COLEC12: variants seen among roughly 807,000 people sequenced by gnomAD.
COLEC12 encodes collectin-12.
Under a neutral mutation model 71.1 loss-of-function variants are expected in COLEC12, and 33 were observed. The ratio of observed to expected loss-of-function variants is 0.46; its 90% CI spans 0.35 to 0.62. The LOEUF (loss-of-function observed/expected upper bound fraction) is 0.62, where lower values mean the gene tolerates loss of function less well. Ranked by LOEUF, COLEC12 falls within the 20% of genes least tolerant of loss-of-function variation. COLEC12 has a pLI of 0.00. For missense variants in COLEC12, 765 were observed against 916.1 expected (o/e 0.84, Z 2.13); for synonymous variants, 350 against 353.0 (o/e 0.99, Z 0.10).
chr18:496,603 A>G, intron 1 of COLEC12, among the ~76,000 whole-genome samples: 1 of 152,252 alleles, frequency 6.6e-6, no homozygotes, highest in East Asian at 1.9e-4. Context: ...AAAAGCAAAA[A>G]GACTGTGAGT....
chr18:481,401 C>A (rs1917412994), intron 1 of COLEC12, among the ~76,000 whole-genome samples: 1 of 152,124 alleles, frequency 6.6e-6, no homozygotes, highest in South Asian at 2.1e-4. Flanking sequence ...TGCATACCCA[C>A]CATGGAAAGA....
intron 2 of COLEC12, among the ~76,000 whole-genome samples, chr18:458,979 C>A (rs925416067): frequency 6.6e-6 from 1 of 152,216 alleles, no homozygotes; most frequent in Admixed American, 6.5e-5. Flanking sequence ...GGACCACGGA[C>A]ATGCTCCACC....
chr18:476,769 ACATAT>A (rs1185154347), intron 2 of COLEC12, among the ~76,000 whole-genome samples: 6 of 152,366 alleles, frequency 3.9e-5, no homozygotes, highest in African/African-American at 7.2e-5. Context: ...TCGTGGTAGT[ACATAT>A]CATATCTATG....
chr18:337,702 C>A (rs970364889), intron 5 of COLEC12, among the ~76,000 whole-genome samples: 5 of 152,300 alleles, frequency 3.3e-5, no homozygotes, highest in Non-Finnish European at 7.3e-5. Flanking sequence ...CAACCCTGGG[C>A]TCTGGGTCCT....
rs145389624 is a variant in COLEC12, at chr18:389,208, G to GAC, written c.59-31688_59-31687dup. 3.3e-3 allele frequency among the ~76,000 whole-genome samples: 498 copies of GAC among 149,266 alleles called. 3 individuals are homozygous for GAC. Among genetic ancestry groups the GAC allele is most frequent in the African/African-American group, 0.01 (410 of 40,546 alleles). On this transcript the variant is annotated intron_variant, in intron 2 of 9. Transcript: ENST00000400256. ...TAAATGTCCATTACACACACACACA[G>GAC]ACACACACACACACACACGGCCATG...
chr18:413,862 G>A (rs1915938504), intron 2 of COLEC12, among the ~76,000 whole-genome samples: 1 of 152,162 alleles, frequency 6.6e-6, no homozygotes, highest in South Asian at 2.1e-4. Context: ...TGAATCTCTA[G>A]ACAATTATGC....
intron 5 of COLEC12, among the ~76,000 whole-genome samples, chr18:340,807 G>C (rs1914234461): frequency 6.6e-6 from 1 of 152,226 alleles, no homozygotes; most frequent in Non-Finnish European, 1.5e-5. Context: ...ATAGGAAAAA[G>C]TCATTGCGCT....
intron 2 of COLEC12, among the ~76,000 whole-genome samples, chr18:367,925 C>CCAAAA (rs200573575): frequency 0.015 from 2,253 of 152,016 alleles, 20 homozygotes; most frequent in Non-Finnish European, 0.023. Context: ...GCTGTCTCTA[C>CCAAAA]CAAAACAAAA....
intron 2 of COLEC12, among the ~76,000 whole-genome samples, chr18:388,119 C>A (rs550576904): frequency 3.4e-4 from 52 of 152,292 alleles, no homozygotes; most frequent in Middle Eastern, 3.4e-3. Flanking sequence ...AACTGTAAAA[C>A]AGCCCCAACT....
intron 2 of COLEC12, among the ~76,000 whole-genome samples, chr18:418,089 C>A (rs538526599): frequency 6.6e-6 from 1 of 152,264 alleles, no homozygotes; most frequent in Non-Finnish European, 1.5e-5. Context: ...GGCTTGGGCA[C>A]CAGTTCTACA....
At chr18:403,164 A>G (rs1458703170) in intron 2 of COLEC12, among the ~76,000 whole-genome samples, 1 of 152,168 alleles carries the variant, frequency 6.6e-6, no homozygotes, top group Non-Finnish European at 1.5e-5. Flanking sequence ...CCTCAGTGAG[A>G]CAGAACTGGC....
At chr18:424,781 C>T (rs1916164471) in intron 2 of COLEC12, among the ~76,000 whole-genome samples, 1 of 152,180 alleles carries the variant, frequency 6.6e-6, no homozygotes, top group South Asian at 2.1e-4. Flanking sequence ...TACTCTGTGT[C>T]AGGCCTGCAT....
intron 2 of COLEC12, among the ~76,000 whole-genome samples, chr18:359,308 C>T (rs965237307): frequency 6.6e-6 from 1 of 152,070 alleles, no homozygotes. Context: ...ATTCCCTGGC[C>T]GCAAACAACT....
At chr18:493,225 C>T (rs988564220) in intron 1 of COLEC12, among the ~76,000 whole-genome samples, 4 of 152,154 alleles carry the variant, frequency 2.6e-5, no homozygotes, top group Non-Finnish European at 5.9e-5. Context: ...TAGCCACTCA[C>T]CACCGCACCC....
At chr18:495,645 T>C (rs186091859) in intron 1 of COLEC12, among the ~76,000 whole-genome samples, 3 of 152,342 alleles carry the variant, frequency 2.0e-5, no homozygotes, top group African/African-American at 7.2e-5. Context: ...TGATGCTAGG[T>C]CATTACAGTT....
intron 2 of COLEC12, among the ~76,000 whole-genome samples, chr18:393,281 AAC>A (rs1461190609): frequency 6.6e-6 from 1 of 152,234 alleles, no homozygotes; most frequent in African/African-American, 2.4e-5. Flanking sequence ...GAAGAGAATC[AAC>A]AGAGAAGTGT....
At chr18:417,124 T>G (rs1916003411) in intron 2 of COLEC12, among the ~76,000 whole-genome samples, 2 of 152,036 alleles carry the variant, frequency 1.3e-5, no homozygotes, top group Non-Finnish European at 2.9e-5. Flanking sequence ...AGTGATTTCA[T>G]CATCATGCAA....
chr18:350,427 G>A (rs667305), intron 3 of COLEC12, among the ~76,000 whole-genome samples: 133,061 of 152,056 alleles, frequency 0.88, 58,839 homozygotes, highest in Non-Finnish European at 0.94. Flanking sequence ...AGCAGCATGG[G>A]AACGGACTAA....
intron 2 of COLEC12, chr18:424,402 T>C (rs904991042): frequency 8.5e-5 from 13 of 152,362 alleles, no homozygotes; most frequent in Non-Finnish European, 1.8e-4. Flanking sequence ...CAGACTTTTA[T>C]GTGCAGGAAG....
Sources: gnomAD v4.1 joint callset for allele counts (sites outside exome capture counted in the v4.1 genomes callset) on GRCh38, gnomAD v4.1.1 for gene constraint, MANE v1.5 for transcripts, NCBI Gene and HGNC (gene_info 2026-07-23, HGNC 2026-07-21) for gene names.